The following MTMR8 variants were observed in gnomAD, a reference collection of about 807,000 sequenced individuals.
MTMR8 encodes the protein phosphatidylinositol-3,5-bisphosphate 3-phosphatase MTMR8.
MTMR8 carries 65 observed loss-of-function variants against 39.3 expected under a neutral mutation model. The observed-to-expected ratio is 1.65, with a 90% confidence interval of 1.35 to 2.03. The LOEUF (loss-of-function observed/expected upper bound fraction) is 2.03. MTMR8 is among the 30% of genes most tolerant of loss of function. The pLI is 0.00. For missense variants in MTMR8, 777 were observed against 538.9 expected (o/e 1.44, Z -4.37); for synonymous variants, 245 against 185.2 (o/e 1.32, Z -2.62).
chrX:64,356,177 T>A lies in MTMR8; in HGVS notation c.309A>T (p.Pro103=). 8.3e-7 allele frequency: 1 copy of A among 1,203,254 alleles called. No homozygotes were observed. Among genetic ancestry groups the A allele is most frequent in the South Asian group, 1.8e-5 (1 of 55,387 alleles). ...AGATAAAAATACTATCATAACTACC[T>A]GGCTGAGAAAGCTTGAGCAGTGAAA... ...VYISLLKLSQ[P]ALPEDLYAFS... is the part of the protein sequence containing the mutation. Residue 103 remains proline, a splice_region_variant and synonymous_variant, in exon 3 of 14, where the codon CCA becomes CCT. Transcript: ENST00000374852.
chrX:64,378,537 C>G (rs1924331308), intron 1 of MTMR8, among the ~76,000 whole-genome samples: 1 of 112,279 alleles, frequency 8.9e-6, no homozygotes, highest in African/African-American at 3.2e-5. Context: ...TTGAATGTAA[C>G]AACACAGTTC....
In MTMR8 at chrX:64,395,370, A is replaced by C. The variant is rs1276444258; in HGVS notation, c.-7T>G. The C allele has an allele frequency of 7.4e-6, 9 of 1,209,133 alleles. No homozygotes were observed. In the South Asian group the frequency reaches 1.2e-4, roughly 17 times the overall value. On this transcript the variant is annotated 5_prime_UTR_variant, in exon 1 of 14. Coordinates refer to ENST00000374852, the MANE Select transcript of MTMR8 (RefSeq NM_017677.4). ...GTACCGTAATATGATCCATGACTGC[A>C]GTTCCCGCCACCGGAAGATCTCAGT...
intron 12 of MTMR8, among the ~76,000 whole-genome samples, chrX:64,309,381 T>C (rs1448581140): frequency 8.9e-6 from 1 of 111,965 alleles, no homozygotes; most frequent in African/African-American, 3.2e-5. Flanking sequence ...TATTGTGTTT[T>C]TAATCTGAAA....
intron 12 of MTMR8, among the ~76,000 whole-genome samples, chrX:64,309,539 A>G (rs1175874199): frequency 8.9e-6 from 1 of 111,886 alleles, no homozygotes; most frequent in Non-Finnish European, 1.9e-5. Context: ...ATCTGCAAAT[A>G]GAGACAGTTT....
chrX:64,277,003 A>C (rs1251261913), intron 12 of MTMR8, among the ~76,000 whole-genome samples: 1 of 111,961 alleles, frequency 8.9e-6, no homozygotes, highest in Non-Finnish European at 1.9e-5. Context: ...ACCATTATGT[A>C]ATGCCCTTCT....
In MTMR8 at chrX:64,269,044, C is replaced by T. The variant is rs147632193; in HGVS notation, c.1609-1G>A. The stretch of plus-strand genomic sequence containing the variant: ...GTGGCTCATCACGGACTTTTAGTTT[C>T]TGCCTCAGGAGCAAGAAAGGGTTGA... On this transcript the variant is annotated splice_acceptor_variant, in intron 13 of 13. Coordinates refer to ENST00000374852, the MANE Select transcript of MTMR8 (RefSeq NM_017677.4). LOFTEE classifies it high-confidence loss of function. 2.4e-5 allele frequency: 29 copies of T among 1,203,163 alleles called. No individual in the cohort carries two copies. Among genetic ancestry groups the T allele is most frequent in the Non-Finnish European group, 3.3e-5 (29 of 892,133 alleles).
At chrX:64,331,394 A>G (rs748018474) in intron 11 of MTMR8, 163 bp downstream of exon 11, 8 of 456,294 alleles carry the variant, frequency 1.8e-5, no homozygotes, top group Non-Finnish European at 3.1e-5. Context: ...GTTCTGAGAG[A>G]TCTCTGTGCA....
chrX:64,276,282 C>T (rs1041632979), intron 12 of MTMR8, among the ~76,000 whole-genome samples: 2 of 110,249 alleles, frequency 1.8e-5, no homozygotes, highest in Non-Finnish European at 1.9e-5. Flanking sequence ...GATCTAGTTC[C>T]AGATCTAGAT....
At chrX:64,368,618 T>A (rs1277759832) in intron 1 of MTMR8, among the ~76,000 whole-genome samples, 1 of 111,855 alleles carries the variant, frequency 8.9e-6, no homozygotes, top group African/African-American at 3.3e-5. Flanking sequence ...TCAAGATGGA[T>A]TAAAGACTTA....
At chrX:64,274,822 T>C (rs1931835812) in intron 12 of MTMR8, among the ~76,000 whole-genome samples, 1 of 112,101 alleles carries the variant, frequency 8.9e-6, no homozygotes, top group Non-Finnish European at 1.9e-5. Flanking sequence ...ACAAAAACTA[T>C]ATCTTCTCAC....
At chrX:64,339,147 C>T (rs912463969) in intron 8 of MTMR8, among the ~76,000 whole-genome samples, 4 of 111,122 alleles carry the variant, frequency 3.6e-5, no homozygotes, top group African/African-American at 1.3e-4. Context: ...TAGTAGTATA[C>T]ACTGTGTGCA....
In MTMR8 at chrX:64,315,561, G is replaced by A. The variant is rs1187419217; in HGVS notation, c.1481+13211C>T. On this transcript the variant is annotated intron_variant, in intron 12 of 13. Coordinates refer to ENST00000374852, the MANE Select transcript of MTMR8 (RefSeq NM_017677.4). ...TCTGATACTATGTGATATGGCCTCT[G>A]CTGCTTCCATTTATGTTTTCATAAT... Among the ~76,000 whole-genome samples the A allele has an allele frequency of 6.3e-5, 7 of 111,353 alleles. No homozygotes were observed. In the East Asian group the frequency reaches 2.0e-3, roughly 32 times the overall value.
intron 12 of MTMR8, chrX:64,306,009 G>T: frequency 5.3e-6 from 1 of 190,094 alleles, no homozygotes; most frequent in Non-Finnish European, 1.0e-5. Flanking sequence ...CCAGCTACTC[G>T]GGAGGCTAAG....
intron 12 of MTMR8, among the ~76,000 whole-genome samples, chrX:64,312,317 T>C (rs1922335001): frequency 9.0e-6 from 1 of 111,638 alleles, no homozygotes; most frequent in African/African-American, 3.3e-5. Context: ...TTGTTATTGG[T>C]GTATAGGAAT....
intron 1 of MTMR8, among the ~76,000 whole-genome samples, chrX:64,372,123 T>C (rs1265373275): frequency 1.8e-5 from 2 of 108,322 alleles, no homozygotes; most frequent in Non-Finnish European, 3.8e-5. Flanking sequence ...AATGTTAAGA[T>C]TTTTTAAACT....
At chrX:64,376,820 C>T (rs1320541516) in intron 1 of MTMR8, among the ~76,000 whole-genome samples, 1 of 112,072 alleles carries the variant, frequency 8.9e-6, no homozygotes, top group East Asian at 2.8e-4. Flanking sequence ...AAAGGCATTT[C>T]AGAGACCTTC....
chrX:64,312,876 G>T (rs192222489), intron 12 of MTMR8, among the ~76,000 whole-genome samples: 1 of 112,621 alleles, frequency 8.9e-6, no homozygotes, highest in East Asian at 2.8e-4. Context: ...TACTCTGAAA[G>T]AAACCTTTTC....
intron 1 of MTMR8, among the ~76,000 whole-genome samples, chrX:64,381,936 G>C (rs1301837234): frequency 2.7e-5 from 3 of 111,530 alleles, no homozygotes; most frequent in African/African-American, 9.8e-5. Context: ...TTAGTTCTGA[G>C]GGCTCTGTTC....
chrX:64,385,837 C>T (rs1474292947), intron 1 of MTMR8, among the ~76,000 whole-genome samples: 1 of 111,616 alleles, frequency 9.0e-6, no homozygotes, highest in Non-Finnish European at 1.9e-5. Flanking sequence ...ACATTGGGGA[C>T]TACAATTCAA....
Sources: allele counts gnomAD v4.1 joint callset (sites outside exome capture counted in the v4.1 genomes callset), GRCh38; gene constraint gnomAD v4.1.1; transcripts MANE v1.5; gene names NCBI Gene and HGNC (gene_info 2026-07-23, HGNC 2026-07-21).